Variants in NCKAP1L observed in about 807,000 individuals in gnomAD.
NCKAP1L encodes the protein nck-associated protein 1-like.
A neutral mutation model predicts 139.2 loss-of-function variants in NCKAP1L; 53 were observed. That is an observed-to-expected ratio of 0.38 (90% CI 0.31 to 0.48). The LOEUF is 0.48. NCKAP1L is among the 20% of genes least tolerant of loss of function. The pLI is 0.98. For missense variants in NCKAP1L, 1,151 were observed against 1,381.9 expected, an observed-to-expected ratio of 0.83 and a Z score of 2.65; for synonymous variants, 468 against 499.7, an observed-to-expected ratio of 0.94 and a Z score of 0.85.
At chr12:54,512,225 A>C (rs1265695393) in intron 9 of NCKAP1L, 120 bp downstream of exon 9, 5 of 1,070,634 alleles carry the variant, frequency 4.7e-6, no homozygotes, top group Non-Finnish European at 5.3e-6. Flanking sequence ...CTAACTATTG[A>C]AGAAATATAC....
chr12:54,528,477 A>G, intron 22 of NCKAP1L, 100 bp downstream of exon 22: 1 of 1,414,308 alleles, frequency 7.1e-7, no homozygotes, highest in Non-Finnish European at 9.5e-7. Context: ...GTGCAAAAGT[A>G]ATTTTTGCAA....
At chr12:54,518,997 T>C in intron 15 of NCKAP1L, 25 bp downstream of exon 15, 1 of 1,603,086 alleles carries the variant, frequency 6.2e-7, no homozygotes, top group East Asian at 2.2e-5. Flanking sequence ...CTGTTAAAGA[T>C]TCTCATCCTC....
At chr12:54,525,001 G>A (rs1442079906) in intron 20 of NCKAP1L, among the ~76,000 whole-genome samples, 2 of 152,194 alleles carry the variant, frequency 1.3e-5, no homozygotes, top group Non-Finnish European at 2.9e-5. Context: ...CAAGTGCAAA[G>A]GCTCTGAGGT....
intron 3 of NCKAP1L, among the ~76,000 whole-genome samples, chr12:54,503,004 C>CA (rs77302715): frequency 0.014 from 1,139 of 83,232 alleles, 9 homozygotes; most frequent in African/African-American, 0.034. Context: ...GACTTTGTCT[C>CA]AAAAAAAAAA....
At chr12:54,502,671 G>A (rs1013781223) in intron 3 of NCKAP1L, among the ~76,000 whole-genome samples, 1 of 151,750 alleles carries the variant, frequency 6.6e-6, no homozygotes, top group Non-Finnish European at 1.5e-5. Context: ...AACATACACA[G>A]GAAATATATC....
At chr12:54,498,719 C>A in intron 1 of NCKAP1L, 1 of 892,150 alleles carries the variant, frequency 1.1e-6, no homozygotes, top group Non-Finnish European at 1.3e-6. Flanking sequence ...AGTCTAACTC[C>A]TGAGCAGCTG....
intron 9 of NCKAP1L, among the ~76,000 whole-genome samples, chr12:54,513,757 A>T (rs1444162090): frequency 2.0e-5 from 3 of 152,170 alleles, no homozygotes; most frequent in Non-Finnish European, 4.4e-5. Flanking sequence ...CAAGTGAGAG[A>T]TATGGAATTT....
chr12:54,519,414 A>G, intron 16 of NCKAP1L, 82 bp downstream of exon 16: 1 of 1,085,658 alleles, frequency 9.2e-7, no homozygotes, highest in South Asian at 3.0e-5. Flanking sequence ...CACTTACTTC[A>G]AAGAATTTTG....
At chr12:54,499,879 T>G (rs1043583678) in intron 2 of NCKAP1L, among the ~76,000 whole-genome samples, 49 of 152,344 alleles carry the variant, frequency 3.2e-4, no homozygotes, top group African/African-American at 1.1e-3. Context: ...TAACCCTAGA[T>G]TTTTCACCCA....
At chr12:54,518,208 G>C (rs867533035) in intron 13 of NCKAP1L, among the ~76,000 whole-genome samples, 1 of 152,072 alleles carries the variant, frequency 6.6e-6, no homozygotes, top group Non-Finnish European at 1.5e-5. Flanking sequence ...CGGGCATGGT[G>C]GTGGGCACCT....
At position 54,546,492 on chromosome 12, in the gene NCKAP1L, T is replaced by A. The variant is rs1957198896; in HGVS notation, c.*3807T>A. On this transcript the variant is annotated 3_prime_UTR_variant, in exon 31 of 31. Coordinates refer to ENST00000293373, the MANE Select transcript of NCKAP1L (RefSeq NM_005337.5). The stretch of plus-strand genomic sequence containing the variant: ...CAGGATCCAGGAGGGAGGGAGGGTA[T>A]ATCTGTGTCCCCCAGCTAGGGACAA... The A allele has an allele frequency of 1.3e-5, 2 of 151,928 alleles. No homozygotes were observed. The highest frequency in any genetic ancestry group is 3.9e-4 in the East Asian group (2 of 5,178). 9.4% of individuals were successfully genotyped at this position (151,928 alleles called of 1,614,324 possible).
At chr12:54,499,018 C>A (rs976542074) in intron 1 of NCKAP1L, among the ~76,000 whole-genome samples, 1 of 151,830 alleles carries the variant, frequency 6.6e-6, no homozygotes, top group Non-Finnish European at 1.5e-5. Flanking sequence ...CTCCGCCTCC[C>A]GGGTTCAAGC....
At chr12:54,498,399 T>TTGTGTGTGTGTGTGTGTGTGTGTGTG (rs766272206) in intron 1 of NCKAP1L, among the ~76,000 whole-genome samples, 1 of 142,296 alleles carries the variant, frequency 7.0e-6, no homozygotes, top group Non-Finnish European at 1.5e-5. Flanking sequence ...GCTGTGGTGG[T>TTGTGTGTGTGTGTGTGTGTGTGTGTG]TGTGTGTGTG....
At chr12:54,525,021 C>T (rs1274540899) in intron 20 of NCKAP1L, among the ~76,000 whole-genome samples, 3 of 152,138 alleles carry the variant, frequency 2.0e-5, no homozygotes, top group South Asian at 2.1e-4. Flanking sequence ...TTCGAACATG[C>T]CTTCTAGGTT....
chr12:54,528,805 A>G (rs1042092981), intron 22 of NCKAP1L, among the ~76,000 whole-genome samples: 1 of 151,324 alleles, frequency 6.6e-6, no homozygotes, highest in Admixed American at 6.6e-5. Context: ...TTTTATATAT[A>G]TATATATTTT....
In NCKAP1L at chr12:54,516,901, A is replaced by G. The variant is rs765989147; in HGVS notation, c.1004A>G (p.Gln335Arg). 2 of 1,612,066 alleles carry G rather than the reference A, an allele frequency of 1.2e-6. No individual in the cohort carries two copies. The highest frequency in any genetic ancestry group is 2.2e-5 in the South Asian group (2 of 91,056). Residue 335 changes from glutamine to arginine, a missense_variant, in exon 11 of 31, where the codon CAG (glutamine) becomes CGG (arginine). Coordinates refer to ENST00000293373, the MANE Select transcript of NCKAP1L (RefSeq NM_005337.5). ...GTTCCCCTTTTCTTCCTTAGTGGCC[A>G]GTTTCATTGTCAACGGCGGCAATTT... The part of the protein sequence containing the change: ...SKEHVIANSG[Q>R]FHCQRRQFLR...
chr12:54,521,118 G>C lies in NCKAP1L; in HGVS notation c.1759-1G>C. 4 of 1,613,962 alleles carry C rather than the reference G, an allele frequency of 2.5e-6. No individual in the cohort carries two copies. The highest frequency in any genetic ancestry group is 3.4e-6 in the Non-Finnish European group (4 of 1,179,974). On this transcript the variant is annotated splice_acceptor_variant, in intron 17 of 30. Transcript: ENST00000293373. LOFTEE classifies it high-confidence loss of function. ...TCTTCTTTGGTCCCTCTTTCCCATA[G>C]TACCCCCACCTCAAGAACCATGGTC...
At position 54,521,197 on chromosome 12, in the gene NCKAP1L, G is replaced by A. The variant is rs773603121; in HGVS notation, c.1837G>A (p.Val613Ile). The A allele has an allele frequency of 2.6e-5, 42 of 1,613,962 alleles. No homozygotes were observed. The highest frequency in any genetic ancestry group is 8.0e-5 in the African/African-American group (6 of 74,864). ...EELAKQTSNC[V>I]LEICAEQRNL... Reference sequence around the variant, plus strand: ...GTTGGCCAAGCAGACCAGCAATTGCGTCCTGGAGATCTGTGCTGAGCAGCG... The same window carrying A: ...GTTGGCCAAGCAGACCAGCAATTGCATCCTGGAGATCTGTGCTGAGCAGCG... The change falls in exon 18 of 31, where the codon GTC (valine) becomes ATC (isoleucine). Residue 613 changes from valine to isoleucine, a missense_variant. Val to Ile is a conservative substitution (Grantham distance 29). Transcript: ENST00000293373.
intron 25 of NCKAP1L, 67 bp from the exon 26 acceptor site, chr12:54,532,103 A>G (rs879132590): frequency 2.4e-6 from 2 of 830,518 alleles, no homozygotes; most frequent in Non-Finnish European, 3.3e-6. Context: ...TTTTTTTTTT[A>G]TTTCTACCTA....
Sources: allele counts gnomAD v4.1 joint callset (sites outside exome capture counted in the v4.1 genomes callset), GRCh38; gene constraint gnomAD v4.1.1; transcripts MANE v1.5; gene names NCBI Gene and HGNC (gene_info 2026-07-23, HGNC 2026-07-21).